WNT7A: variants seen among roughly 807,000 people sequenced by gnomAD.
WNT7A encodes the protein Wnt family member 7A.
WNT7A carries 16 observed loss-of-function variants against 28.2 expected under a neutral mutation model. That is an observed-to-expected ratio of 0.57 (90% CI 0.38 to 0.86). The LOEUF is 0.86. Ranked by LOEUF, WNT7A falls within the 40% of genes least tolerant of loss-of-function variation. The probability of loss-of-function intolerance (pLI) is 0.00; values close to 1 mark genes in which losing one functional copy is unlikely to be tolerated. For synonymous variants in WNT7A, 190 were observed against 195.9 expected (o/e 0.97, Z 0.25); for missense variants, 411 against 489.7 (o/e 0.84, Z 1.52).
intron 3 of WNT7A, among the ~76,000 whole-genome samples, chr3:13,845,704 AAGGC>A (rs1694526978): frequency 6.6e-6 from 1 of 152,166 alleles, no homozygotes; most frequent in Non-Finnish European, 1.5e-5. Flanking sequence ...TGGGAATGAG[AAGGC>A]AGGGACAGAT....
intron 2 of WNT7A, among the ~76,000 whole-genome samples, chr3:13,872,611 C>A (rs1695043278): frequency 6.6e-6 from 1 of 152,228 alleles, no homozygotes; most frequent in Non-Finnish European, 1.5e-5. Flanking sequence ...CCAGCCACCT[C>A]TGCCTGCCAA....
At chr3:13,860,089 G>T (rs1694803768) in intron 2 of WNT7A, among the ~76,000 whole-genome samples, 1 of 152,136 alleles carries the variant, frequency 6.6e-6, no homozygotes, top group African/African-American at 2.4e-5. Flanking sequence ...GGAAAGAGTA[G>T]AGAGAAGGTA....
At chr3:13,836,477 G>A (rs188924581) in intron 3 of WNT7A, among the ~76,000 whole-genome samples, 1 of 152,232 alleles carries the variant, frequency 6.6e-6, no homozygotes, top group Admixed American at 6.5e-5. Flanking sequence ...GGTGTGGCCA[G>A]GTGTCTGCTA....
chr3:13,841,466 G>A (rs1201472632), intron 3 of WNT7A, among the ~76,000 whole-genome samples: 1 of 152,182 alleles, frequency 6.6e-6, no homozygotes, highest in African/African-American at 2.4e-5. Flanking sequence ...TGGGCGAGTC[G>A]CTGAACCGCT....
At chr3:13,828,324 G>C (rs1318318241) in intron 3 of WNT7A, among the ~76,000 whole-genome samples, 1 of 152,230 alleles carries the variant, frequency 6.6e-6, no homozygotes, top group African/African-American at 2.4e-5. Context: ...GAGAAATAGA[G>C]AGGGGGCAAG....
At chr3:13,867,266 T>C (rs938143755) in intron 2 of WNT7A, among the ~76,000 whole-genome samples, 1 of 152,154 alleles carries the variant, frequency 6.6e-6, no homozygotes, top group South Asian at 2.1e-4. Flanking sequence ...GGGGCTGGGA[T>C]GCAAACCCGG....
At chr3:13,829,021 G>A (rs907418117) in intron 3 of WNT7A, among the ~76,000 whole-genome samples, 4 of 152,172 alleles carry the variant, frequency 2.6e-5, no homozygotes, top group African/African-American at 9.7e-5. Flanking sequence ...TCTGACCACG[G>A]AGGCCGAAAG....
At chr3:13,856,940 A>C (rs1470128748) in intron 2 of WNT7A, among the ~76,000 whole-genome samples, 4 of 121,278 alleles carry the variant, frequency 3.3e-5, no homozygotes, top group East Asian at 3.8e-4. Context: ...AAGAAGAAGA[A>C]GAAGAAGAAG....
At chr3:13,867,412 C>T (rs1413340562) in intron 2 of WNT7A, among the ~76,000 whole-genome samples, 1 of 152,130 alleles carries the variant, frequency 6.6e-6, no homozygotes, top group East Asian at 1.9e-4. Context: ...CAAGGGGGGA[C>T]TCACAACTGA....
chr3:13,819,499 C>G (rs1403225281), intron 3 of WNT7A, 76 bp from the exon 4 acceptor site: 28 of 1,498,320 alleles, frequency 1.9e-5, no homozygotes, highest in East Asian at 1.4e-4. Context: ...AGCTCCCCCC[C>G]GCCCCCCACC....
intron 3 of WNT7A, among the ~76,000 whole-genome samples, chr3:13,849,185 C>T (rs1371968692): frequency 6.6e-6 from 1 of 152,154 alleles, no homozygotes; most frequent in African/African-American, 2.4e-5. Context: ...AGTTGTGACC[C>T]TCGTCCTATA....
At chr3:13,877,174 G>C (rs565390258) in intron 1 of WNT7A, 6 of 152,388 alleles carry the variant, frequency 3.9e-5, no homozygotes. Context: ...ATGTGCCAAG[G>C]CAGTATGGTG....
intron 3 of WNT7A, among the ~76,000 whole-genome samples, chr3:13,850,327 G>A (rs1390216004): frequency 6.6e-6 from 1 of 152,204 alleles, no homozygotes; most frequent in Non-Finnish European, 1.5e-5. Flanking sequence ...AGCTGAGCAG[G>A]CCTTATCTGG....
chr3:13,851,721 A>G (rs1694640772), intron 3 of WNT7A, among the ~76,000 whole-genome samples: 1 of 152,186 alleles, frequency 6.6e-6, no homozygotes, highest in Non-Finnish European at 1.5e-5. Context: ...CAAAGCCACA[A>G]AGATTCCACC....
chr3:13,845,058 G>T (rs953855459), intron 3 of WNT7A, among the ~76,000 whole-genome samples: 2 of 152,216 alleles, frequency 1.3e-5, no homozygotes, highest in African/African-American at 4.8e-5. Context: ...CACTTAGGGG[G>T]CTCTCAGGGC....
At chr3:13,827,163 A>G (rs917437506) in intron 3 of WNT7A, among the ~76,000 whole-genome samples, 5 of 152,212 alleles carry the variant, frequency 3.3e-5, no homozygotes, top group African/African-American at 9.7e-5. Context: ...AGAGAGCAGT[A>G]GATTCCTGCT....
At chr3:13,845,964 G>C (rs1205713092) in intron 3 of WNT7A, among the ~76,000 whole-genome samples, 1 of 152,206 alleles carries the variant, frequency 6.6e-6, no homozygotes, top group Non-Finnish European at 1.5e-5. Flanking sequence ...ACCAGGTGTG[G>C]GTCTCTGTCT....
At chr3:13,866,795 C>T (rs910752396) in intron 2 of WNT7A, among the ~76,000 whole-genome samples, 3 of 152,046 alleles carry the variant, frequency 2.0e-5, no homozygotes, top group Admixed American at 6.6e-5. Context: ...GGATGCCACA[C>T]GGAGCAACAC....
At chr3:13,859,991 C>A (rs1436376066) in intron 2 of WNT7A, among the ~76,000 whole-genome samples, 1 of 151,038 alleles carries the variant, frequency 6.6e-6, no homozygotes, top group East Asian at 1.9e-4. Flanking sequence ...TATAGCCCAT[C>A]TCCTAGCCCA....
Sources: allele counts gnomAD v4.1 joint callset (sites outside exome capture counted in the v4.1 genomes callset), GRCh38; gene constraint gnomAD v4.1.1; transcripts MANE v1.5; gene names NCBI Gene and HGNC (gene_info 2026-07-23, HGNC 2026-07-21).